Variants in DNAH5 observed in about 807,000 individuals in gnomAD.
The protein encoded by DNAH5 is dynein axonemal heavy chain 5, also known as axonemal beta dynein heavy chain 5.
Under a neutral mutation model 518.2 loss-of-function variants are expected in DNAH5, and 372 were observed. That is an observed-to-expected ratio of 0.72 (90% CI 0.66 to 0.78). The LOEUF (loss-of-function observed/expected upper bound fraction) is 0.78, where lower values mean the gene tolerates loss of function less well. DNAH5 is among the 30% of genes least tolerant of loss of function. The pLI, the probability that DNAH5 is intolerant of heterozygous loss-of-function variation, is 0.00. For synonymous variants in DNAH5, 2,039 were observed against 2,025.9 expected (o/e 1.01, Z -0.17); for missense variants, 5,523 against 5,687.0 (o/e 0.97, Z 0.93).
chr5:13,857,596 T>C (rs1767806742), intron 30 of DNAH5, among the ~76,000 whole-genome samples: 1 of 152,168 alleles, frequency 6.6e-6, no homozygotes, highest in African/African-American at 2.4e-5. Flanking sequence ...GGTATCACGC[T>C]ACCTGATTTC....
chr5:13,830,496 G>T, intron 36 of DNAH5, 101 bp downstream of exon 36: 1 of 1,429,178 alleles, frequency 7.0e-7, no homozygotes, highest in Admixed American at 1.7e-5. Flanking sequence ...TTACAAAGTT[G>T]AAAATGATTC....
rs188855836 is a variant in DNAH5 at position 13,934,927 on chromosome 5, A to G, written c.58-3683T>C. Among the ~76,000 whole-genome samples the G allele has an allele frequency of 2.0e-3, 304 of 152,316 alleles. 1 individual carries two copies. The highest frequency in any genetic ancestry group is 7.1e-3 in the African/African-American group (294 of 41,574). ...TTTTTCAAATGTCACTAAAGCCAGG[A>G]AGATGTCCTGTTGTTTTGAATTGTT... is the stretch of plus-strand genomic sequence containing the variant. On this transcript the variant is annotated intron_variant, in intron 1 of 78. Transcript: ENST00000265104.
intron 46 of DNAH5, among the ~76,000 whole-genome samples, 159 bp downstream of exon 46, chr5:13,808,885 G>A (rs1024369025): frequency 5.3e-5 from 8 of 152,014 alleles, no homozygotes; most frequent in Admixed American, 3.3e-4. Context: ...GCGTGAACCC[G>A]GGAGGTGGAG....
intron 1 of DNAH5, among the ~76,000 whole-genome samples, chr5:13,991,610 G>A (rs1345866835): frequency 6.6e-6 from 1 of 151,456 alleles, no homozygotes; most frequent in Non-Finnish European, 1.5e-5. Context: ...AGGAGGAAGG[G>A]GAGAGGGAGA....
intron 66 of DNAH5, 50 bp downstream of exon 66, chr5:13,737,202 C>T (rs758967752): frequency 1.2e-6 from 2 of 1,611,442 alleles, no homozygotes. Context: ...ATTCTCATTC[C>T]TCTCTCATTT....
rs1262395790 is a variant in DNAH5 at position 13,713,432 on chromosome 5, G to A, written c.13125+973C>T. On this transcript the variant is annotated intron_variant, in intron 75 of 78. Transcript: ENST00000265104. ...ACACCGACATATATATATATACATC[G>A]ACATATATATATATATATATATATA... is the stretch of plus-strand genomic sequence containing the variant. 7.1e-4 allele frequency among the ~76,000 whole-genome samples: 20 copies of A among 28,092 alleles called. No homozygotes were observed. In the East Asian group the frequency reaches 0.015, roughly 22 times the overall value. The allele number at this position is 28,092 out of a possible 152,430, so 18.4% of individuals were successfully genotyped here. A position where few individuals can be genotyped will look rare whatever the true frequency, so the allele number is the denominator to read the frequency against.
rs181479219 is a variant in DNAH5 at position 13,724,922 on chromosome 5, C to T, written c.12033+2585G>A. On this transcript the variant is annotated intron_variant, in intron 70 of 78. Transcript: ENST00000265104. ...CCTGCAGAACCATGAGCCAATTAAA[C>T]CTCTTTTCTTTATAAATTACCCAGT... is the stretch of plus-strand genomic sequence containing the variant. 7.2e-3 allele frequency among the ~76,000 whole-genome samples: 1,096 copies of T among 152,340 alleles called. 5 individuals are homozygous for T. The highest frequency in any genetic ancestry group is 0.012 in the Non-Finnish European group (792 of 68,036).
chr5:13,833,521 T>G (rs1361707082), intron 35 of DNAH5, among the ~76,000 whole-genome samples: 3 of 151,438 alleles, frequency 2.0e-5, no homozygotes, highest in Non-Finnish European at 4.4e-5. Flanking sequence ...TAACAAACAT[T>G]TGCTGTGTCA....
intron 35 of DNAH5, among the ~76,000 whole-genome samples, chr5:13,833,089 T>G (rs1332182388): frequency 7.2e-6 from 1 of 138,424 alleles, no homozygotes; most frequent in Non-Finnish European, 1.5e-5. Context: ...AGGGCATGTT[T>G]AAGGAGAAAC....
chr5:13,806,484 T>C (rs1447753807), intron 47 of DNAH5, among the ~76,000 whole-genome samples: 4 of 152,230 alleles, frequency 2.6e-5, no homozygotes, highest in Non-Finnish European at 4.4e-5. Context: ...GATTTAACCA[T>C]GCCTTCAACA....
In DNAH5 at chr5:13,692,530, A is replaced by T. The variant is rs190215811; in HGVS notation, c.13724-395T>A. 1.6e-4 allele frequency among the ~76,000 whole-genome samples: 24 copies of T among 152,290 alleles called. 1 individual carries two copies. The East Asian group carries it at 3.5e-3, about 22-fold the overall frequency. ...ACTCAGGCATCCAGCACCAGTGGGC[A>T]TTACTTTATTATTTCAAAATCTTCA... On this transcript the variant is annotated intron_variant, in intron 78 of 78. Coordinates refer to ENST00000265104, the MANE Select transcript of DNAH5 (RefSeq NM_001369.3).
At chr5:13,846,293 A>C (rs556624651) in intron 31 of DNAH5, among the ~76,000 whole-genome samples, 1 of 152,012 alleles carries the variant, frequency 6.6e-6, no homozygotes, top group East Asian at 1.9e-4. Flanking sequence ...TGCCACCTCC[A>C]CCCTCAAGTA....
Position 13,754,346 on chromosome 5 carries a change from A to G in DNAH5, c.10420-8T>C. The stretch of plus-strand genomic sequence containing the variant: ...TGCATCTTCAAGCAAGGTCTAACAA[A>G]GGTCATAATCACAAGAAAGCTTTTA... On this transcript the variant is annotated splice_polypyrimidine_tract_variant and splice_region_variant and intron_variant, in intron 61 of 78. Transcript: ENST00000265104. 3 of 1,614,046 alleles carry G rather than the reference A, an allele frequency of 1.9e-6. No individual in the cohort carries two copies. Among genetic ancestry groups the G allele is most frequent in the Non-Finnish European group, 2.5e-6 (3 of 1,179,932 alleles).
At position 13,788,763 on chromosome 5, in the gene DNAH5, A is replaced by G. The variant is rs572852817; in HGVS notation, c.8600T>C (p.Ile2867Thr). ...EEKKLLVDCGIDTYFVDFLRD... is the reference protein window; with the variant it reads ...EEKKLLVDCGTDTYFVDFLRD... Reference sequence around the variant, plus strand: ...CAAGAAATCCACAAAATATGTGTCAATTCCACAATCCACCAAGAGTTTTTT... The same window carrying G: ...CAAGAAATCCACAAAATATGTGTCAGTTCCACAATCCACCAAGAGTTTTTT... Residue 2867 changes from isoleucine to threonine, a missense_variant, in exon 51 of 79, where the codon ATT becomes ACT. This residue lies in a region of DNAH5 where 5,121 missense variants were observed against 5,223.3 expected (regional missense o/e 0.98). Transcript: ENST00000265104. 1 of 1,614,140 alleles carries G rather than the reference A, an allele frequency of 6.2e-7. No homozygotes were observed. The highest frequency in any genetic ancestry group is 1.3e-5 in the African/African-American group (1 of 75,056).
chr5:13,891,222 A>G, intron 16 of DNAH5, 101 bp from the exon 17 acceptor site: 2 of 1,272,072 alleles, frequency 1.6e-6, no homozygotes, highest in Non-Finnish European at 2.3e-6. Flanking sequence ...AATCAGCTTT[A>G]AAGATTCTCA....
intron 65 of DNAH5, among the ~76,000 whole-genome samples, chr5:13,737,795 C>T (rs563861592): frequency 3.9e-5 from 6 of 152,058 alleles, no homozygotes; most frequent in Admixed American, 6.6e-5. Flanking sequence ...GGCGTGGTGG[C>T]GCATACCTGT....
chr5:13,698,422 C>T (rs1741653440), intron 78 of DNAH5, among the ~76,000 whole-genome samples: 1 of 152,194 alleles, frequency 6.6e-6, no homozygotes, highest in Non-Finnish European at 1.5e-5. Context: ...AGCCATTTCT[C>T]CTAGGGGAAA....
At chr5:13,920,712 G>A (rs577719789) in intron 5 of DNAH5, 95 bp from the exon 6 acceptor site, 32 of 1,380,818 alleles carry the variant, frequency 2.3e-5, no homozygotes, top group Admixed American at 7.0e-5. Flanking sequence ...CTCTGACAGC[G>A]CTCTGGAAAG....
intron 1 of DNAH5, among the ~76,000 whole-genome samples, chr5:13,939,657 C>A (rs1477250856): frequency 2.6e-5 from 4 of 152,152 alleles, no homozygotes; most frequent in Non-Finnish European, 5.9e-5. Flanking sequence ...CCAGCCTAAC[C>A]TGCTCTCTAA....
Sources: allele counts gnomAD v4.1 joint callset (sites outside exome capture counted in the v4.1 genomes callset), GRCh38; gene constraint gnomAD v4.1.1; regional missense constraint gnomAD v4.1.1; transcripts MANE v1.5; gene names NCBI Gene and HGNC (gene_info 2026-07-23, HGNC 2026-07-21).